KCNK10: variants seen among roughly 807,000 people sequenced by gnomAD.
KCNK10 encodes potassium two pore domain channel subfamily K member 10.
A neutral mutation model predicts 47.7 loss-of-function variants in KCNK10; 25 were observed. The observed-to-expected ratio is 0.52, with a 90% CI of 0.38 to 0.73. The LOEUF (loss-of-function observed/expected upper bound fraction) is 0.73. Ranked by LOEUF, KCNK10 falls within the 30% of genes least tolerant of loss-of-function variation. The pLI is 0.00. For synonymous variants in KCNK10, 303 were observed against 285.6 expected, an observed-to-expected ratio of 1.06 and a Z score of -0.61; for missense variants, 563 against 714.5, an observed-to-expected ratio of 0.79 and a Z score of 2.42.
chr14:88,307,739 AG>A (rs1888232808), intron 1 of KCNK10, among the ~76,000 whole-genome samples: 1 of 152,226 alleles, frequency 6.6e-6, no homozygotes, highest in South Asian at 2.1e-4. Context: ...CAGAAGAACA[AG>A]CAAGTGACTC....
At chr14:88,253,862 C>T (rs1372646424) in intron 2 of KCNK10, among the ~76,000 whole-genome samples, 1 of 152,192 alleles carries the variant, frequency 6.6e-6, no homozygotes, top group Non-Finnish European at 1.5e-5. Context: ...CTCACCATTG[C>T]ACTCCAGTCT....
Position 88,180,884 on chromosome 14 carries a change from C to T in KCNK10, c.*4651G>A, listed in dbSNP as rs544256440. 2.5e-6 allele frequency: 1 copy of T among 398,716 alleles called. No homozygotes were observed. Among genetic ancestry groups the T allele is most frequent in the South Asian group, 1.3e-4 (1 of 7,858 alleles). 24.7% of individuals were successfully genotyped at this position (398,716 alleles called of 1,614,324 possible). A position where few individuals can be genotyped will look rare whatever the true frequency, so the allele number is the denominator to read the frequency against. On this transcript the variant is annotated 3_prime_UTR_variant, in exon 7 of 7. Transcript: ENST00000319231. Reference sequence around the variant, plus strand: ...TTTCCCTATGCAGAATTAACAGCATCCACAATGCCACACTAAAGTGATCTT... The same window carrying T: ...TTTCCCTATGCAGAATTAACAGCATTCACAATGCCACACTAAAGTGATCTT...
intron 2 of KCNK10, among the ~76,000 whole-genome samples, chr14:88,247,950 A>C (rs955338455): frequency 6.6e-6 from 1 of 152,236 alleles, no homozygotes; most frequent in African/African-American, 2.4e-5. Context: ...CCACGAGGAA[A>C]GTATCAAGTC....
intron 4 of KCNK10, among the ~76,000 whole-genome samples, chr14:88,211,215 GC>G (rs1425183885): frequency 2.0e-5 from 3 of 152,194 alleles, no homozygotes; most frequent in Admixed American, 2.0e-4. Flanking sequence ...TATTCATGAA[GC>G]CTTAAAGACA....
chr14:88,293,930 C>T (rs937350552), intron 1 of KCNK10, among the ~76,000 whole-genome samples: 2 of 152,192 alleles, frequency 1.3e-5, no homozygotes, highest in Admixed American at 1.3e-4. Flanking sequence ...CCTCCTGCCT[C>T]AGCCTCCCAA....
In KCNK10 at chr14:88,186,183, ATGC is replaced by A; in HGVS notation, c.1012-31_1012-29del. ...GGCCAAGAGACAGAAGAGCAACAATATGCTGACAAATGCCTCCCTGCCTTGGCC... is the reference window on the plus strand; with the variant it reads ...GGCCAAGAGACAGAAGAGCAACAATATGACAAATGCCTCCCTGCCTTGGCC... On this transcript the variant is annotated intron_variant, in intron 6 of 6. Transcript: ENST00000319231. This position sits in a 1 kb window ranked among gnomAD's most constrained non-coding sequence, Gnocchi z 5.5. 5 of 1,542,772 alleles carry A rather than the reference ATGC, an allele frequency of 3.2e-6. No individual in the cohort carries two copies. Among genetic ancestry groups the A allele is most frequent in the Non-Finnish European group, 4.4e-6 (5 of 1,143,990 alleles).
At chr14:88,305,898 C>A (rs1294200920) in intron 1 of KCNK10, among the ~76,000 whole-genome samples, 1 of 152,170 alleles carries the variant, frequency 6.6e-6, no homozygotes, top group Non-Finnish European at 1.5e-5. Flanking sequence ...GTTACCCTAC[C>A]CAAGGCTGAG....
chr14:88,278,330 G>C (rs1481731834), intron 1 of KCNK10, among the ~76,000 whole-genome samples: 1 of 152,160 alleles, frequency 6.6e-6, no homozygotes, highest in Non-Finnish European at 1.5e-5. Context: ...TAGACCCTCA[G>C]AATCAAATCT....
chr14:88,306,494 T>C (rs1406107483), intron 1 of KCNK10, among the ~76,000 whole-genome samples: 3 of 152,180 alleles, frequency 2.0e-5, no homozygotes, highest in Non-Finnish European at 4.4e-5. Context: ...TTGTACTTCA[T>C]AGGATGTGCT....
rs1194461055 is a variant in KCNK10 at position 88,314,880 on chromosome 14, T to A, written c.52+7867A>T. Among the ~76,000 whole-genome samples the A allele has an allele frequency of 3.3e-5, 5 of 152,216 alleles. No individual in the cohort carries two copies. The East Asian group carries it at 7.7e-4, about 23-fold the overall frequency. On this transcript the variant is annotated intron_variant, in intron 1 of 6. Transcript: ENST00000319231. ...GAAGTAATGGCTGTAATTATCCCTA[T>A]CTTGCAGATGAAGATACCAAGTCAC... is the stretch of plus-strand genomic sequence containing the variant.
intron 1 of KCNK10, among the ~76,000 whole-genome samples, chr14:88,297,048 A>G (rs1459170459): frequency 2.0e-5 from 3 of 152,238 alleles, no homozygotes; most frequent in Non-Finnish European, 4.4e-5. Flanking sequence ...AGTACAATAG[A>G]ACATTTCTCT....
rs371785736 is a variant in KCNK10 at position 88,186,118 on chromosome 14, G to A, written c.1049C>T (p.Ala350Val). The A allele has an allele frequency of 2.5e-6, 4 of 1,605,126 alleles. No homozygotes were observed. Among genetic ancestry groups the A allele is most frequent in the Non-Finnish European group, 3.4e-6 (4 of 1,176,208 alleles). ...EIKAHAAEWKANVTAEFRETR... is the reference protein window; with the variant it reads ...EIKAHAAEWKVNVTAEFRETR... ...CTCCCGGAACTCAGCCGTGACATTGGCCTTCCACTCTGCCGCATGGGCCTT... is the reference window on the plus strand; with the variant it reads ...CTCCCGGAACTCAGCCGTGACATTGACCTTCCACTCTGCCGCATGGGCCTT... Residue 350 changes from alanine to valine, a missense_variant, in exon 7 of 7, where the codon GCC becomes GTC. By Grantham distance (64) the Ala-to-Val change is moderately conservative. Transcript: ENST00000319231. The surrounding 1 kb of genome is among the most constrained non-coding windows in gnomAD (Gnocchi z 5.5).
chr14:88,297,206 G>A (rs1033403471), intron 1 of KCNK10, among the ~76,000 whole-genome samples: 1 of 152,136 alleles, frequency 6.6e-6, no homozygotes, highest in African/African-American at 2.4e-5. Context: ...TTATAATGAG[G>A]TTCTATCATT....
chr14:88,301,964 G>A (rs2139790836), intron 1 of KCNK10, among the ~76,000 whole-genome samples: 1 of 152,302 alleles, frequency 6.6e-6, no homozygotes, highest in East Asian at 1.9e-4. Context: ...GAAGAAAGGA[G>A]GCCGATAAAA....
chr14:88,227,428 G>A lies in KCNK10; in HGVS notation c.628C>T (p.Gln210Ter). The A allele has an allele frequency of 6.2e-7, 1 of 1,613,546 alleles. No individual in the cohort carries two copies. The highest frequency in any genetic ancestry group is 8.5e-7 in the Non-Finnish European group (1 of 1,179,820). Residue 210 changes from glutamine (Q) to a stop codon, truncating the protein, a stop_gained, in exon 4 of 7, where the codon CAA (glutamine) becomes TAA (stop). Coordinates refer to ENST00000319231, the MANE Select transcript of KCNK10 (RefSeq NM_138317.3). LOFTEE classifies it high-confidence loss of function. ...FGFLLAGIGD[Q>*]LGTIFGKSIA... ...CTTTTCCCAAAGATGGTTCCAAGTTGGTCTCCAATTCCAGCCAATAAGAAA... is the reference window on the plus strand; with the variant it reads ...CTTTTCCCAAAGATGGTTCCAAGTTAGTCTCCAATTCCAGCCAATAAGAAA...
intron 5 of KCNK10, among the ~76,000 whole-genome samples, chr14:88,190,109 C>T (rs752998027): frequency 2.0e-5 from 3 of 152,170 alleles, no homozygotes; most frequent in Non-Finnish European, 4.4e-5. Flanking sequence ...ACTAAGTGCT[C>T]AGTCCATGGT....
At chr14:88,195,501 T>A (rs115297616) in intron 4 of KCNK10, among the ~76,000 whole-genome samples, 2,494 of 152,278 alleles carry the variant, frequency 0.016, 62 homozygotes, top group African/African-American at 0.056. Flanking sequence ...CATATGTGGC[T>A]TAAGATAATC....
In KCNK10 at chr14:88,186,486, T is replaced by A. The variant is rs1884565438; in HGVS notation, c.1012-331A>T. On this transcript the variant is annotated intron_variant, in intron 6 of 6. Coordinates refer to ENST00000319231, the MANE Select transcript of KCNK10 (RefSeq NM_138317.3). This position sits in a 1 kb window ranked among gnomAD's most constrained non-coding sequence, Gnocchi z 5.5. ...GAGTTGGACAGGCCTGGCTTCCAGC[T>A]CTCTCTTATCAATTGCATGGCCTCA... is the stretch of plus-strand genomic sequence containing the variant. Among the ~76,000 whole-genome samples the A allele has an allele frequency of 6.6e-6, 1 of 152,068 alleles. No individual in the cohort carries two copies.
chr14:88,260,069 A>C lies in KCNK10; in HGVS notation c.402+3133T>G, dbSNP rs542372945. ...GCAATTCTTCTGCCTCAGCCTCCCT[A>C]GTAGCTGGGACCACAGGTGCACACC... On this transcript the variant is annotated intron_variant, in intron 2 of 6. Transcript: ENST00000319231. This position sits in a 1 kb window ranked among gnomAD's most constrained non-coding sequence, Gnocchi z 4.5. Among the ~76,000 whole-genome samples the C allele has an allele frequency of 1.5e-4, 23 of 152,140 alleles. No homozygotes were observed. Among genetic ancestry groups the C allele is most frequent in the African/African-American group, 5.5e-4 (23 of 41,494 alleles).
Sources: gnomAD v4.1 joint callset for allele counts (sites outside exome capture counted in the v4.1 genomes callset) on GRCh38, gnomAD v4.1.1 for gene constraint, Gnocchi (gnomAD v3.1) non-coding constraint, MANE v1.5 for transcripts, NCBI Gene and HGNC (gene_info 2026-07-23, HGNC 2026-07-21) for gene names.